PDE6B: variants seen among roughly 807,000 people sequenced by gnomAD.
PDE6B encodes the protein phosphodiesterase 6B.
In PDE6B, 106 loss-of-function variants were observed where a neutral mutation model predicts 109.0. The observed-to-expected ratio is 0.97, with a 90% CI of 0.83 to 1.14. The LOEUF is 1.14. Ranked by LOEUF, PDE6B falls within the 50% of genes most tolerant of loss-of-function variation. The pLI is 0.00. For synonymous variants in PDE6B, 490 were observed against 471.3 expected, an observed-to-expected ratio of 1.04 and a Z score of -0.51; for missense variants, 1,193 against 1,155.6, an observed-to-expected ratio of 1.03 and a Z score of -0.47.
At chr4:627,247 G>A (rs555056904) in intron 1 of PDE6B, among the ~76,000 whole-genome samples, 2 of 151,780 alleles carry the variant, frequency 1.3e-5, no homozygotes, top group African/African-American at 2.4e-5. Context: ...CCACGTTCAA[G>A]CGATTCTCCT....
At chr4:628,804 G>T (rs1289041517) in intron 1 of PDE6B, among the ~76,000 whole-genome samples, 7 of 152,212 alleles carry the variant, frequency 4.6e-5, no homozygotes, top group Non-Finnish European at 7.4e-5. Flanking sequence ...ACCAGCTTCT[G>T]GGAGGTGCAG....
chr4:655,358 C>G, intron 6 of PDE6B: 1 of 278,620 alleles, frequency 3.6e-6, no homozygotes, highest in Non-Finnish European at 7.0e-6. Flanking sequence ...GGAGGGGCAG[C>G]TGGTGGCCCA....
chr4:656,412 G>A, intron 8 of PDE6B, 120 bp downstream of exon 8: 3 of 769,398 alleles, frequency 3.9e-6, no homozygotes, highest in Non-Finnish European at 7.0e-6. Context: ...AGGCATGGTG[G>A]CTCACGCCTG....
chr4:655,645 G>A, intron 6 of PDE6B: 1 of 515,686 alleles, frequency 1.9e-6, no homozygotes, highest in South Asian at 2.0e-5. Flanking sequence ...TGAACCCCCT[G>A]GCACTCAGAG....
chr4:662,175 G>A lies in PDE6B; in HGVS notation c.1656G>A (p.Arg552=). Residue 552 remains arginine (R), a synonymous_variant, in exon 13 of 22, where the codon CGG becomes CGA. Coordinates refer to ENST00000496514, the MANE Select transcript of PDE6B (RefSeq NM_000283.4). The surrounding 1 kb of genome is among the most constrained non-coding windows in gnomAD (Gnocchi z 4.3). ...TGTTCTCCATCAGCAAAGGGTACCG[G>A]AGAATCACCTACCACAACTGGCGCC... The part of the protein sequence containing the change: ...RFLFSISKGY[R]RITYHNWRHG... The A allele has an allele frequency of 6.3e-7, 1 of 1,580,664 alleles. No homozygotes were observed. The highest frequency in any genetic ancestry group is 1.2e-5 in the South Asian group (1 of 86,732).
intron 3 of PDE6B, among the ~76,000 whole-genome samples, chr4:645,494 A>G (rs1293739378): frequency 1.3e-5 from 2 of 151,410 alleles, no homozygotes; most frequent in Non-Finnish European, 2.9e-5. Flanking sequence ...ACGGGGTTTC[A>G]CCGTGTTAGC....
chr4:654,197 T>A (rs1395023489), intron 5 of PDE6B, 43 bp downstream of exon 5: 1 of 1,539,216 alleles, frequency 6.5e-7, no homozygotes, highest in East Asian at 2.2e-5. Context: ...CACACGCCTC[T>A]GTTTCCCTGA....
Position 664,304 on chromosome 4 carries a change from T to C in PDE6B, c.2129+83T>C, listed in dbSNP as rs1055176722. 45 of 799,952 alleles carry C rather than the reference T, an allele frequency of 5.6e-5. No homozygotes were observed. In the African/African-American group the frequency reaches 7.6e-4, roughly 14 times the overall value. 49.6% of individuals were successfully genotyped at this position (799,952 alleles called of 1,614,324 possible). Reference sequence around the variant, plus strand: ...CACCAGCTGGTTAACCCTGCAGCCCTCCCCAGACGCTCTGGAGCAGGAAGA... The same window carrying C: ...CACCAGCTGGTTAACCCTGCAGCCCCCCCCAGACGCTCTGGAGCAGGAAGA... On this transcript the variant is annotated intron_variant, in intron 17 of 21. Coordinates refer to ENST00000496514, the MANE Select transcript of PDE6B (RefSeq NM_000283.4).
Position 650,291 on chromosome 4 carries a change from C to T in PDE6B, c.712-3561C>T, listed in dbSNP as rs200946579. Among the ~76,000 whole-genome samples, 4 of 152,238 alleles carry T rather than the reference C, an allele frequency of 2.6e-5. No homozygotes were observed. The East Asian group carries it at 5.8e-4, about 22-fold the overall frequency. ...AACATTTTAAAGTCGAGACAATTCA[C>T]GTAAGAATTAGGGTTTCTACATCTC... is the stretch of plus-strand genomic sequence containing the variant. On this transcript the variant is annotated intron_variant, in intron 3 of 21. Coordinates refer to ENST00000496514, the MANE Select transcript of PDE6B (RefSeq NM_000283.4).
rs941714808 is a variant in PDE6B at position 634,974 on chromosome 4, C to G, written c.621+145C>G. ...TGCTGCGTGTCTGCCTCCTTACCTG[C>G]CTGCCCGCGTGTTCTGTGCTGCGTG... On this transcript the variant is annotated intron_variant, in intron 2 of 21. Coordinates refer to ENST00000496514, the MANE Select transcript of PDE6B (RefSeq NM_000283.4). The G allele has an allele frequency of 9.2e-6, 6 of 654,420 alleles. No homozygotes were observed. In the African/African-American group the frequency reaches 1.2e-4, roughly 13 times the overall value. The allele number at this position is 654,420 out of a possible 1,614,324, so 40.5% of individuals were successfully genotyped here.
At chr4:647,601 A>T (rs1042147289) in intron 3 of PDE6B, among the ~76,000 whole-genome samples, 4 of 152,014 alleles carry the variant, frequency 2.6e-5, no homozygotes, top group African/African-American at 7.3e-5. Context: ...TCCTCGTCCC[A>T]TAAGGGCACG....
At position 667,848 on chromosome 4, in the gene PDE6B, C is replaced by T. The variant is rs752772549; in HGVS notation, c.2353-8C>T. 3.7e-6 allele frequency: 6 copies of T among 1,612,356 alleles called. No individual in the cohort carries two copies. The African/African-American group carries it at 5.3e-5, about 14-fold the overall frequency. Reference sequence around the variant, plus strand: ...CAGGACTGGTGGTGACTTCTCGACTCCCCTCAGGAGTTCTCTCGTTTCCAC... The same window carrying T: ...CAGGACTGGTGGTGACTTCTCGACTTCCCTCAGGAGTTCTCTCGTTTCCAC... On this transcript the variant is annotated splice_region_variant and splice_polypyrimidine_tract_variant and intron_variant, in intron 20 of 21. Transcript: ENST00000496514.
chr4:664,875 C>T lies in PDE6B; in HGVS notation c.2130-6C>T, dbSNP rs370177593. ...ATCAGCACTCGTGCCCGGTTTGTGT[C>T]TGCAGGGCCATGATGATGACAGCCT... On this transcript the variant is annotated splice_polypyrimidine_tract_variant and splice_region_variant and intron_variant, in intron 17 of 21. Coordinates refer to ENST00000496514, the MANE Select transcript of PDE6B (RefSeq NM_000283.4). 8.1e-6 allele frequency: 13 copies of T among 1,612,462 alleles called. No individual in the cohort carries two copies. The South Asian group carries it at 1.4e-4, about 18-fold the overall frequency.
intron 3 of PDE6B, among the ~76,000 whole-genome samples, chr4:644,978 C>G (rs1226053832): frequency 1.3e-5 from 2 of 152,054 alleles, no homozygotes; most frequent in African/African-American, 2.4e-5. Flanking sequence ...TGTTTCGAAG[C>G]TTTGTTATTA....
chr4:630,207 G>A (rs1032431209), intron 1 of PDE6B, among the ~76,000 whole-genome samples: 10 of 152,198 alleles, frequency 6.6e-5, no homozygotes, highest in South Asian at 4.1e-4. Context: ...GCTGGCAGTC[G>A]GACAGGGAGG....
At position 633,722 on chromosome 4, in the gene PDE6B, G is replaced by A. The variant is rs1380698505; in HGVS notation, c.469-955G>A. Among the ~76,000 whole-genome samples the A allele has an allele frequency of 6.6e-6, 1 of 152,206 alleles. No homozygotes were observed. Among genetic ancestry groups the A allele is most frequent in the East Asian group, 1.9e-4 (1 of 5,192 alleles). ...GCACAGGTGGGAAGTCCTGACCCCA[G>A]CAGGGCTGACTCCGGAGCCGTCCAC... On this transcript the variant is annotated intron_variant, in intron 1 of 21. Transcript: ENST00000496514. This position sits in a 1 kb window ranked among gnomAD's most constrained non-coding sequence, Gnocchi z 4.5.
At chr4:640,495 C>T (rs1434020345) in intron 3 of PDE6B, among the ~76,000 whole-genome samples, 1 of 152,070 alleles carries the variant, frequency 6.6e-6, no homozygotes, top group Non-Finnish European at 1.5e-5. Flanking sequence ...GCTGAGATCG[C>T]ACCATTGCAC....
chr4:654,130 G>T lies in PDE6B; in HGVS notation c.903G>T (p.Ser301=), dbSNP rs768183931. The T allele has an allele frequency of 6.2e-7, 1 of 1,613,802 alleles. No individual in the cohort carries two copies. Among genetic ancestry groups the T allele is most frequent in the South Asian group, 1.1e-5 (1 of 91,080 alleles). ...SVLMGESQPY[S]GPRTPDGREI... ...TGATGGGAGAGTCCCAGCCGTACTC[G>T]GGCCCACGCACGCCTGATGGCCGGG... The change falls in exon 5 of 22, where the codon TCG becomes TCT. Residue 301 remains serine (S), a synonymous_variant. Coordinates refer to ENST00000496514, the MANE Select transcript of PDE6B (RefSeq NM_000283.4).
At chr4:645,488 G>A (rs1274604710) in intron 3 of PDE6B, among the ~76,000 whole-genome samples, 1 of 151,470 alleles carries the variant, frequency 6.6e-6, no homozygotes, top group Non-Finnish European at 1.5e-5. Flanking sequence ...GTAGAGACGG[G>A]GTTTCACCGT....
Sources: allele counts gnomAD v4.1 joint callset (sites outside exome capture counted in the v4.1 genomes callset), GRCh38; gene constraint gnomAD v4.1.1; non-coding constraint Gnocchi (gnomAD v3.1); transcripts MANE v1.5; gene names NCBI Gene and HGNC (gene_info 2026-07-23, HGNC 2026-07-21).